Variants in GUCY1A2 observed in about 807,000 individuals in gnomAD.
GUCY1A2 encodes guanylate cyclase 1 soluble subunit alpha 2, also known as guanylate cyclase soluble subunit alpha-2.
GUCY1A2 carries 27 observed loss-of-function variants against 63.5 expected under a neutral mutation model. The ratio of observed to expected loss-of-function variants is 0.43; its 90% CI spans 0.31 to 0.59. The LOEUF is 0.59. Ranked by LOEUF, GUCY1A2 falls within the 20% of genes least tolerant of loss-of-function variation. The pLI, the probability that GUCY1A2 is intolerant of heterozygous loss-of-function variation, is 0.11. For synonymous variants in GUCY1A2, 364 were observed against 343.5 expected (o/e 1.06, Z -0.66); for missense variants, 768 against 913.3 (o/e 0.84, Z 2.05).
chr11:106,818,889 G>C lies in GUCY1A2; in HGVS notation c.1207-8411C>G, dbSNP rs536209102. On this transcript the variant is annotated intron_variant, in intron 4 of 7. Coordinates refer to ENST00000526355, the MANE Select transcript of GUCY1A2 (RefSeq NM_000855.3). ...CCTAATCCAGAGAAAGGCGGCCTTA[G>C]ATCTCTAATTCTATGAAGGCTGAGG... 2.0e-5 allele frequency among the ~76,000 whole-genome samples: 3 copies of C among 152,272 alleles called. No homozygotes were observed. The South Asian group carries it at 6.2e-4, about 32-fold the overall frequency.
chr11:106,862,137 G>A (rs1033684265), intron 4 of GUCY1A2, among the ~76,000 whole-genome samples: 3 of 151,976 alleles, frequency 2.0e-5, no homozygotes, highest in African/African-American at 7.2e-5. Context: ...AATAGGTTTA[G>A]AACACTGTTT....
At chr11:106,745,249 T>A (rs1296684399) in intron 6 of GUCY1A2, among the ~76,000 whole-genome samples, 1 of 152,156 alleles carries the variant, frequency 6.6e-6, no homozygotes, top group Non-Finnish European at 1.5e-5. Context: ...TTTAAAAGGG[T>A]CTTACTAAAC....
chr11:106,696,910 A>G (rs11211872), intron 7 of GUCY1A2, among the ~76,000 whole-genome samples: 26,337 of 152,132 alleles, frequency 0.17, 2,462 homozygotes, highest in Admixed American at 0.22. Context: ...TCTTTCCCCC[A>G]TACAGGTTAG....
chr11:106,763,042 TA>T (rs1864091798), intron 6 of GUCY1A2, among the ~76,000 whole-genome samples: 1 of 152,050 alleles, frequency 6.6e-6, no homozygotes, highest in Non-Finnish European at 1.5e-5. Context: ...TAGGAAACTT[TA>T]AAGAAGGAAA....
rs773251118 is a variant in GUCY1A2 at position 106,725,152 on chromosome 11, C to CTTTTTTT, written c.1837-16493_1837-16487dup. On this transcript the variant is annotated intron_variant, in intron 6 of 7. Transcript: ENST00000526355. ...ATGTATCTTCTTATTGACATAAATTCTTTTTTTTTTTTTTTTTTTTTTTTT... is the reference window on the plus strand; with the variant it reads ...ATGTATCTTCTTATTGACATAAATTCTTTTTTTTTTTTTTTTTTTTTTTTTTTTTTTT... Among the ~76,000 whole-genome samples the CTTTTTTT allele has an allele frequency of 3.0e-3, 70 of 22,990 alleles. 29 individuals are homozygous for CTTTTTTT. The highest frequency in any genetic ancestry group is 0.012 in the East Asian group (8 of 686). 15.1% of individuals were successfully genotyped at this position (22,990 alleles called of 152,430 possible). A position where few individuals can be genotyped will look rare whatever the true frequency, so the allele number is the denominator to read the frequency against.
intron 6 of GUCY1A2, among the ~76,000 whole-genome samples, chr11:106,725,389 G>A (rs1210417886): frequency 2.1e-5 from 1 of 47,228 alleles, no homozygotes; most frequent in Non-Finnish European, 5.0e-5. Flanking sequence ...AGCCGGGATG[G>A]TCTCGATCTC....
chr11:106,965,459 A>G (rs1475921779), intron 3 of GUCY1A2, among the ~76,000 whole-genome samples: 1 of 152,194 alleles, frequency 6.6e-6, no homozygotes, highest in African/African-American at 2.4e-5. Context: ...ATATATGTGT[A>G]TGTGTGTGTA....
intron 1 of GUCY1A2, among the ~76,000 whole-genome samples, chr11:107,003,371 C>A (rs565094900): frequency 6.6e-6 from 1 of 152,248 alleles, no homozygotes; most frequent in African/African-American, 2.4e-5. Context: ...CCAGTCACCT[C>A]CCATCCTACA....
intron 4 of GUCY1A2, among the ~76,000 whole-genome samples, chr11:106,866,546 G>A (rs1018697124): frequency 5.9e-5 from 9 of 152,038 alleles, no homozygotes; most frequent in South Asian, 2.1e-4. Context: ...ACTGAAAATC[G>A]CCAGTTCCCA....
chr11:106,714,966 CTTTAT>C (rs144363371), intron 6 of GUCY1A2, among the ~76,000 whole-genome samples: 4,193 of 152,166 alleles, frequency 0.028, 170 homozygotes, highest in East Asian at 0.13. Context: ...GCATAGTAGA[CTTTAT>C]TTTAAGAGAG....
At chr11:106,696,965 C>A (rs1396955171) in intron 7 of GUCY1A2, among the ~76,000 whole-genome samples, 2 of 152,070 alleles carry the variant, frequency 1.3e-5, no homozygotes, top group Non-Finnish European at 2.9e-5. Context: ...CGCTTAAATT[C>A]TCTGGTTTCT....
chr11:106,939,867 C>G lies in GUCY1A2; in HGVS notation c.799G>C (p.Glu267Gln). The change falls in exon 4 of 8, where the codon GAA becomes CAA. Residue 267 changes from glutamate (E) to glutamine (Q), a missense_variant. Around this residue, in one of 3 missense-constraint regions of GUCY1A2, gnomAD observed 496 missense variants for 486.9 expected, o/e 1.02. Coordinates refer to ENST00000526355, the MANE Select transcript of GUCY1A2 (RefSeq NM_000855.3). Reference sequence around the variant, plus strand: ...TTCTCATTTGCAACCTGTTCCACTTCCACATCCAGCCGATAGATCTTCTTT... The same window carrying G: ...TTCTCATTTGCAACCTGTTCCACTTGCACATCCAGCCGATAGATCTTCTTT... ...AGKKIYRLDV[E>Q]VEQVANEKLC... is the part of the protein sequence containing the mutation. 6.2e-7 allele frequency: 1 copy of G among 1,614,158 alleles called. No homozygotes were observed. The highest frequency in any genetic ancestry group is 8.5e-7 in the Non-Finnish European group (1 of 1,180,002).
intron 4 of GUCY1A2, among the ~76,000 whole-genome samples, chr11:106,839,145 T>C (rs547057272): frequency 6.6e-6 from 1 of 152,032 alleles, no homozygotes; most frequent in Non-Finnish European, 1.5e-5. Flanking sequence ...CTTGAATTAA[T>C]TTTTGTATAA....
chr11:106,791,557 CT>C (rs1266925982), intron 5 of GUCY1A2, among the ~76,000 whole-genome samples: 1 of 152,080 alleles, frequency 6.6e-6, no homozygotes, highest in Non-Finnish European at 1.5e-5. Flanking sequence ...GTGGAAACTT[CT>C]GTTCTTCCAT....
chr11:106,930,523 A>AT (rs1860586720), intron 4 of GUCY1A2, among the ~76,000 whole-genome samples: 1 of 152,214 alleles, frequency 6.6e-6, no homozygotes, highest in South Asian at 2.1e-4. Context: ...CTATCAAAGC[A>AT]TATGTAAAGC....
intron 2 of GUCY1A2, among the ~76,000 whole-genome samples, 174 bp from the exon 3 acceptor site, chr11:106,978,914 G>A (rs934157861): frequency 6.6e-6 from 1 of 152,146 alleles, no homozygotes; most frequent in African/African-American, 2.4e-5. Flanking sequence ...ATCAGCATTT[G>A]CAGTGTAGAC....
chr11:106,761,055 A>G (rs921259907), intron 6 of GUCY1A2, among the ~76,000 whole-genome samples: 15 of 152,198 alleles, frequency 9.9e-5, no homozygotes, highest in Non-Finnish European at 1.9e-4. Context: ...TCCAAATTAT[A>G]CTTCTTCTAT....
At chr11:106,889,505 T>C (rs4753782) in intron 4 of GUCY1A2, among the ~76,000 whole-genome samples, 21,270 of 152,128 alleles carry the variant, frequency 0.14, 1,546 homozygotes, top group Non-Finnish European at 0.16. Flanking sequence ...ACAGCTCACT[T>C]CCACAGCAAG....
intron 4 of GUCY1A2, among the ~76,000 whole-genome samples, chr11:106,822,325 A>G (rs1858913794): frequency 6.6e-6 from 1 of 152,188 alleles, no homozygotes; most frequent in Non-Finnish European, 1.5e-5. Context: ...AAGTAAAATT[A>G]TGAATTTTTC....
Sources: gnomAD v4.1 joint callset for allele counts (sites outside exome capture counted in the v4.1 genomes callset) on GRCh38, gnomAD v4.1.1 for gene constraint, gnomAD v4.1.1 regional missense constraint, MANE v1.5 for transcripts, NCBI Gene and HGNC (gene_info 2026-07-23, HGNC 2026-07-21) for gene names.